PCCB: variants seen among roughly 807,000 people sequenced by gnomAD.
PCCB encodes propionyl-CoA carboxylase subunit beta.
PCCB carries 43 observed loss-of-function variants against 60.7 expected under a neutral mutation model. The observed-to-expected ratio is 0.71, with a 90% CI of 0.55 to 0.91. The LOEUF is 0.91. Among genes scored for constraint, PCCB ranks in the 40% least tolerant of loss-of-function variants. The pLI is 0.00. For synonymous variants in PCCB, 276 were observed against 255.9 expected (o/e 1.08, Z -0.75); for missense variants, 766 against 702.8 (o/e 1.09, Z -1.02).
intron 9 of PCCB, among the ~76,000 whole-genome samples, chr3:136,307,845 C>G (rs965543812): frequency 7.9e-5 from 12 of 151,924 alleles, no homozygotes; most frequent in African/African-American, 2.9e-4. Flanking sequence ...TGTGGTGGCA[C>G]ATGCCTGTAA....
chr3:136,315,678 A>AT (rs35871807), intron 9 of PCCB, among the ~76,000 whole-genome samples: 14,189 of 146,864 alleles, frequency 0.097, 865 homozygotes, highest in Non-Finnish European at 0.14. Context: ...AAAAAATATA[A>AT]TTTTTTTTTT....
At chr3:136,289,525 A>G (rs868661018) in intron 6 of PCCB, among the ~76,000 whole-genome samples, 1 of 151,942 alleles carries the variant, frequency 6.6e-6, no homozygotes, top group Non-Finnish European at 1.5e-5. Context: ...CTTTATGTCT[A>G]TTTCAAGTGG....
intron 5 of PCCB, among the ~76,000 whole-genome samples, chr3:136,269,731 A>T (rs893283367): frequency 1.3e-5 from 2 of 151,712 alleles, no homozygotes; most frequent in Non-Finnish European, 2.9e-5. Context: ...TAAAAATACA[A>T]AAAAATTAGC....
At chr3:136,273,597 C>CTTTTT in intron 5 of PCCB, among the ~76,000 whole-genome samples, 1 of 45,220 alleles carries the variant, frequency 2.2e-5, no homozygotes, top group Admixed American at 2.7e-4. Context: ...TTTCTTTTTT[C>CTTTTT]TTTTTTTTTT....
Position 136,303,536 on chromosome 3 carries a change from T to C in PCCB, c.966+2425T>C, listed in dbSNP as rs961938531. ...TGATATTATGTGATACTAGTGCGTA[T>C]ATTTTAAGGTATTTTAAAATCAGGT... On this transcript the variant is annotated intron_variant, in intron 9 of 14. Transcript: ENST00000251654. Among the ~76,000 whole-genome samples the C allele has an allele frequency of 3.3e-5, 4 of 122,690 alleles. 1 individual carries two copies. Among genetic ancestry groups the C allele is most frequent in the Non-Finnish European group, 7.2e-5 (4 of 55,202 alleles). 80.5% of individuals were successfully genotyped at this position (122,690 alleles called of 152,430 possible).
At chr3:136,254,162 C>CT (rs1334727612) in intron 1 of PCCB, among the ~76,000 whole-genome samples, 1 of 151,756 alleles carries the variant, frequency 6.6e-6, no homozygotes, top group Non-Finnish European at 1.5e-5. Context: ...GGACGGTAGG[C>CT]TAGGGTATTT....
At chr3:136,283,743 A>G (rs1576326402) in intron 5 of PCCB, 94 bp from the exon 6 acceptor site, 2 of 901,054 alleles carry the variant, frequency 2.2e-6, no homozygotes, top group East Asian at 4.9e-5. Context: ...GTGGGAAAAA[A>G]GCCAAATGTT....
At chr3:136,297,723 C>T (rs1933999332) in intron 7 of PCCB, among the ~76,000 whole-genome samples, 1 of 152,110 alleles carries the variant, frequency 6.6e-6, no homozygotes, top group Non-Finnish European at 1.5e-5. Context: ...GGTGTGACCC[C>T]TGTAGAGGTG....
intron 9 of PCCB, among the ~76,000 whole-genome samples, chr3:136,310,936 A>G (rs1194475477): frequency 6.6e-6 from 1 of 152,202 alleles, no homozygotes; most frequent in African/African-American, 2.4e-5. Flanking sequence ...TTCTTAATGT[A>G]ATAAAATTTG....
intron 9 of PCCB, among the ~76,000 whole-genome samples, chr3:136,314,403 G>A (rs1411993033): frequency 6.6e-6 from 1 of 152,148 alleles, no homozygotes; most frequent in African/African-American, 2.4e-5. Context: ...TGGGCTGGGT[G>A]TGGTGGTTCA....
In PCCB at chr3:136,313,204, C is replaced by A. The variant is rs1934737720; in HGVS notation, c.967-3737C>A. Reference sequence around the variant, plus strand: ...GCCCTTTAACTCAGCAATCCCATTCCTAGCAATTTACCCTGAAGATACACT... The same window carrying A: ...GCCCTTTAACTCAGCAATCCCATTCATAGCAATTTACCCTGAAGATACACT... On this transcript the variant is annotated intron_variant, in intron 9 of 14. Transcript: ENST00000251654. Among the ~76,000 whole-genome samples, 8 of 152,190 alleles carry A rather than the reference C, an allele frequency of 5.3e-5. 1 individual carries two copies. The highest frequency in any genetic ancestry group is 5.2e-4 in the Admixed American group (8 of 15,272).
intron 9 of PCCB, among the ~76,000 whole-genome samples, chr3:136,314,463 C>T (rs946000845): frequency 4.0e-5 from 6 of 151,896 alleles, no homozygotes; most frequent in Non-Finnish European, 8.8e-5. Context: ...GAGCCCAGCC[C>T]GGCCAATACG....
chr3:136,259,153 T>C (rs1941755667), intron 3 of PCCB: 5 of 1,467,712 alleles, frequency 3.4e-6, no homozygotes, highest in Non-Finnish European at 2.7e-6. Flanking sequence ...ATTCTTGTTT[T>C]TTAACCTTTC....
intron 1 of PCCB, 98 bp from the exon 2 acceptor site, chr3:136,255,757 CG>C: frequency 3.0e-6 from 3 of 1,016,596 alleles, no homozygotes; most frequent in Non-Finnish European, 4.7e-6. Context: ...TTGAGATCAA[CG>C]GGCAAATCTG....
chr3:136,291,240 C>A (rs1933674701), intron 6 of PCCB, among the ~76,000 whole-genome samples: 2 of 152,006 alleles, frequency 1.3e-5, no homozygotes, highest in Admixed American at 6.6e-5. Flanking sequence ...CCTGAGTACC[C>A]AAGACTACAG....
chr3:136,286,229 G>C (rs1299282212), intron 6 of PCCB, among the ~76,000 whole-genome samples: 1 of 152,206 alleles, frequency 6.6e-6, no homozygotes, highest in African/African-American at 2.4e-5. Flanking sequence ...TTATGTCAGA[G>C]ATACCAGTGA....
At chr3:136,256,327 C>G in intron 2 of PCCB, 1 of 593,658 alleles carries the variant, frequency 1.7e-6, no homozygotes. Context: ...TAGGAGGGTA[C>G]ATAAGGCCTA....
chr3:136,261,491 A>G (rs1374571230), intron 4 of PCCB, among the ~76,000 whole-genome samples: 1 of 152,160 alleles, frequency 6.6e-6, no homozygotes, highest in Non-Finnish European at 1.5e-5. Flanking sequence ...GGAATTACTA[A>G]CCCATGAGGA....
At chr3:136,260,560 A>C in intron 4 of PCCB, 25 bp downstream of exon 4, 1 of 1,582,440 alleles carries the variant, frequency 6.3e-7, no homozygotes, top group South Asian at 1.1e-5. Flanking sequence ...CTCAAATTCA[A>C]TCCATTGCTT....
Sources: gnomAD v4.1 joint callset for allele counts (sites outside exome capture counted in the v4.1 genomes callset) on GRCh38, gnomAD v4.1.1 for gene constraint, MANE v1.5 for transcripts, NCBI Gene and HGNC (gene_info 2026-07-23, HGNC 2026-07-21) for gene names.